The following PTMS variants were observed in gnomAD, a reference collection of about 807,000 sequenced individuals.
The protein encoded by PTMS is parathymosin.
A neutral mutation model predicts 18.4 loss-of-function variants in PTMS; 5 were observed. The ratio of observed to expected loss-of-function variants is 0.27; its 90% CI spans 0.14 to 0.57. The LOEUF (loss-of-function observed/expected upper bound fraction) is 0.57, where lower values mean the gene tolerates loss of function less well. PTMS is among the 20% of genes least tolerant of loss of function. The pLI, the probability that PTMS is intolerant of heterozygous loss-of-function variation, is 0.92. For synonymous variants in PTMS, 53 were observed against 47.7 expected, an observed-to-expected ratio of 1.11 and a Z score of -0.46; for missense variants, 93 against 124.6, an observed-to-expected ratio of 0.75 and a Z score of 1.21.
chr12:6,769,668 G>A lies in PTMS; in HGVS notation c.111G>A (p.Val37=), dbSNP rs986913722. The A allele has an allele frequency of 6.2e-7, 1 of 1,614,062 alleles. No homozygotes were observed. Among genetic ancestry groups the A allele is most frequent in the South Asian group, 1.1e-5 (1 of 91,088 alleles). ...KASRKERKKE[V]VEEEENGAEE... ...GCCGGAAAGAGCGAAAGAAAGAAGT[G>A]GTGGAGGTGTGGAGGGGTGGGGGAG... The change falls in exon 2 of 5, where the codon GTG becomes GTA. Residue 37 remains valine, a synonymous_variant. Transcript: ENST00000309083.
rs1359350519 is a variant in PTMS at position 6,770,011 on chromosome 12, C to A, written c.196+12C>A. On this transcript the variant is annotated intron_variant, in intron 3 of 4. Coordinates refer to ENST00000309083, the MANE Select transcript of PTMS (RefSeq NM_002824.6). This position sits in a 1 kb window ranked among gnomAD's most constrained non-coding sequence, Gnocchi z 7.3. ...AGGGGAAGAAGAAGGTGGGGAGGGG[C>A]AGGGGAGGCTGGGCTGGCAAAGTCT... 1 of 1,558,572 alleles carries A rather than the reference C, an allele frequency of 6.4e-7. No individual in the cohort carries two copies.
At chr12:6,766,936 C>G (rs1941773390) in intron 1 of PTMS, among the ~76,000 whole-genome samples, 186 bp downstream of exon 1, 1 of 151,462 alleles carries the variant, frequency 6.6e-6, no homozygotes, top group Non-Finnish European at 1.5e-5. Flanking sequence ...CTAGCGCCAG[C>G]GCCCTCTAGC....
intron 1 of PTMS, 42 bp from the exon 2 acceptor site, chr12:6,769,561 A>G: frequency 6.2e-7 from 1 of 1,609,296 alleles, no homozygotes; most frequent in Non-Finnish European, 8.5e-7. Flanking sequence ...AGGGGCTGCA[A>G]GCCATTTGTG....
At position 6,766,637 on chromosome 12, in the gene PTMS, G is replaced by A. The variant is rs1941769056; in HGVS notation, c.-69G>A. The A allele has an allele frequency of 3.1e-6, 3 of 981,582 alleles. No individual in the cohort carries two copies. The South Asian group carries it at 9.3e-5, about 31-fold the overall frequency. 60.8% of individuals were successfully genotyped at this position (981,582 alleles called of 1,614,324 possible). On this transcript the variant is annotated 5_prime_UTR_variant, in exon 1 of 5. Coordinates refer to ENST00000309083, the MANE Select transcript of PTMS (RefSeq NM_002824.6). ...GTTCCGGCCGCGGCCACCCTCCGCC[G>A]TCCAGGGCCCCTCCGTCTCGGCCCC...
At position 6,766,537 on chromosome 12, in the gene PTMS, C is replaced by T. The variant is rs564960190; in HGVS notation, c.-169C>T. On this transcript the variant is annotated 5_prime_UTR_variant, in exon 1 of 5. Transcript: ENST00000309083. ...CCCCGCCCCACCCCGCGCGCCTCTG[C>T]CGCCTCTTCCAGAGACCCAGCTTGC... The T allele has an allele frequency of 3.3e-3, 907 of 272,504 alleles. 7 individuals are homozygous for T. Among genetic ancestry groups the T allele is most frequent in the Middle Eastern group, 0.016 (12 of 748 alleles). 16.9% of individuals were successfully genotyped at this position (272,504 alleles called of 1,614,324 possible).
chr12:6,770,504 G>A lies in PTMS; in HGVS notation c.*62G>A. 6.4e-7 allele frequency: 1 copy of A among 1,554,096 alleles called. No homozygotes were observed. The stretch of plus-strand genomic sequence containing the variant: ...GGGCCTGGAGGTGGGGGTGGGGGCA[G>A]CCAAGTCCAGCCACTCTTCACCTGG... On this transcript the variant is annotated 3_prime_UTR_variant, in exon 5 of 5. Coordinates refer to ENST00000309083, the MANE Select transcript of PTMS (RefSeq NM_002824.6). The surrounding 1 kb of genome is among the most constrained non-coding windows in gnomAD (Gnocchi z 7.3).
intron 2 of PTMS, 29 bp downstream of exon 2, chr12:6,769,703 T>C (rs1236288823): frequency 6.2e-7 from 1 of 1,611,890 alleles, no homozygotes; most frequent in African/African-American, 1.3e-5. Context: ...GAGGACCACA[T>C]CTGCCCTACC....
At position 6,769,680 on chromosome 12, in the gene PTMS, G is replaced by C. The variant is rs774838869; in HGVS notation, c.117+6G>C. The C allele has an allele frequency of 4.3e-6, 7 of 1,613,810 alleles. No homozygotes were observed. In the African/African-American group the frequency reaches 9.3e-5, roughly 22 times the overall value. On this transcript the variant is annotated splice_donor_region_variant and intron_variant, in intron 2 of 4. Coordinates refer to ENST00000309083, the MANE Select transcript of PTMS (RefSeq NM_002824.6). The stretch of plus-strand genomic sequence containing the variant: ...GAAAGAAAGAAGTGGTGGAGGTGTG[G>C]AGGGGTGGGGGAGAGGACCACATCT...
Position 6,766,731 on chromosome 12 carries a change from C to T in PTMS, c.26C>T (p.Ala9Val). ...ATGTCGGAGAAAAGCGTGGAGGCAG[C>T]GGCCGAGTTGAGCGCCAAGGTACGG... MSEKSVEA[A>V]AELSAKDLKE... Residue 9 changes from alanine (A) to valine (V), a missense_variant, in exon 1 of 5, where the codon GCG (alanine) becomes GTG (valine). Transcript: ENST00000309083. The T allele has an allele frequency of 2.7e-6, 3 of 1,095,920 alleles. No homozygotes were observed. The highest frequency in any genetic ancestry group is 3.3e-6 in the Non-Finnish European group (3 of 901,830). The allele number at this position is 1,095,920 out of a possible 1,614,324, so 67.9% of individuals were successfully genotyped here.
intron 1 of PTMS, among the ~76,000 whole-genome samples, chr12:6,767,881 C>G (rs1489447479): frequency 6.6e-6 from 1 of 152,232 alleles, no homozygotes; most frequent in Non-Finnish European, 1.5e-5. Flanking sequence ...CATGTTGTCG[C>G]TTTGTGAGTG....
Position 6,766,401 on chromosome 12 carries a change from G to A in PTMS, c.-305G>A, listed in dbSNP as rs907610857. 1 of 160,086 alleles carries A rather than the reference G, an allele frequency of 6.2e-6. No individual in the cohort carries two copies. Among genetic ancestry groups the A allele is most frequent in the Non-Finnish European group, 1.4e-5 (1 of 73,450 alleles). The allele number at this position is 160,086 out of a possible 1,614,324, so 9.9% of individuals were successfully genotyped here. On this transcript the variant is annotated 5_prime_UTR_variant, in exon 1 of 5. Transcript: ENST00000309083. Reference sequence around the variant, plus strand: ...CGGCAGCTCTGCTGGTGCGGGGGCGGCGAGCCCGGGATCGAGCTACCGCGG... The same window carrying A: ...CGGCAGCTCTGCTGGTGCGGGGGCGACGAGCCCGGGATCGAGCTACCGCGG...
intron 1 of PTMS, chr12:6,767,582 G>A (rs1941783914): frequency 7.0e-6 from 1 of 142,860 alleles, no homozygotes; most frequent in Non-Finnish European, 1.5e-5. Context: ...CCTATCTTGT[G>A]TGTGTATGTG....
At position 6,770,402 on chromosome 12, in the gene PTMS, A is replaced by T; in HGVS notation, c.269A>T (p.Asp90Val). The change falls in exon 5 of 5, where the codon GAT becomes GTT. Residue 90 changes from aspartate to valine, a missense_variant. Asp to Val is a radical substitution (Grantham distance 152, BLOSUM62 -3). Transcript: ENST00000309083. The surrounding 1 kb of genome is among the most constrained non-coding windows in gnomAD (Gnocchi z 7.3). ...TCTCCCTCTCCACAGGATGAAGCGGATCCCAAACGGCAGAAGACAGAAAAT... is the reference window on the plus strand; with the variant it reads ...TCTCCCTCTCCACAGGATGAAGCGGTTCCCAAACGGCAGAAGACAGAAAAT... ...KRAAEEEDEA[D>V]PKRQKTENGA... 15 of 1,612,624 alleles carry T rather than the reference A, an allele frequency of 9.3e-6. No homozygotes were observed. Among genetic ancestry groups the T allele is most frequent in the Non-Finnish European group, 1.2e-5 (14 of 1,179,774 alleles).
chr12:6,769,463 C>T, intron 1 of PTMS, 140 bp from the exon 2 acceptor site: 3 of 902,894 alleles, frequency 3.3e-6, no homozygotes, highest in South Asian at 2.7e-5. Context: ...CCCTAGGGCC[C>T]CTATTCTGTC....
Position 6,766,741 on chromosome 12 carries a change from G to A in PTMS, c.36G>A (p.Leu12=), listed in dbSNP as rs1434412033. ...AAAGCGTGGAGGCAGCGGCCGAGTT[G>A]AGCGCCAAGGTACGGGCGGGGGCGG... The part of the protein sequence containing the change: ...SEKSVEAAAE[L]SAKDLKEKKE... The change falls in exon 1 of 5, where the codon TTG becomes TTA. Residue 12 remains leucine, a synonymous_variant. Coordinates refer to ENST00000309083, the MANE Select transcript of PTMS (RefSeq NM_002824.6). 4 of 1,092,916 alleles carry A rather than the reference G, an allele frequency of 3.7e-6. 1 individual carries two copies. The South Asian group carries it at 1.1e-4, about 29-fold the overall frequency. The allele number at this position is 1,092,916 out of a possible 1,614,324, so 67.7% of individuals were successfully genotyped here. A position where few individuals can be genotyped will look rare whatever the true frequency, so the allele number is the denominator to read the frequency against.
Position 6,770,478 on chromosome 12 carries a change from T to C in PTMS, c.*36T>C. On this transcript the variant is annotated 3_prime_UTR_variant, in exon 5 of 5. Coordinates refer to ENST00000309083, the MANE Select transcript of PTMS (RefSeq NM_002824.6). This position sits in a 1 kb window ranked among gnomAD's most constrained non-coding sequence, Gnocchi z 7.3. Reference sequence around the variant, plus strand: ...ACAGGCTGGGGTTGGGAGGCCTCTCTGGGCCTGGAGGTGGGGGTGGGGGCA... The same window carrying C: ...ACAGGCTGGGGTTGGGAGGCCTCTCCGGGCCTGGAGGTGGGGGTGGGGGCA... 1 of 1,391,714 alleles carries C rather than the reference T, an allele frequency of 7.2e-7. No individual in the cohort carries two copies. Among genetic ancestry groups the C allele is most frequent in the Non-Finnish European group, 9.7e-7 (1 of 1,032,898 alleles). The allele number at this position is 1,391,714 out of a possible 1,614,324, so 86.2% of individuals were successfully genotyped here. A position where few individuals can be genotyped will look rare whatever the true frequency, so the allele number is the denominator to read the frequency against.
chr12:6,769,878 C>T (rs372087097), intron 2 of PTMS, 43 bp from the exon 3 acceptor site: 34 of 1,585,692 alleles, frequency 2.1e-5, no homozygotes, highest in African/African-American at 9.5e-5. Context: ...GTGGGCAAGG[C>T]ATGCAGCCAG....
chr12:6,770,337 AG>A lies in PTMS; in HGVS notation c.259-50del. 1 of 1,609,042 alleles carries A rather than the reference AG, an allele frequency of 6.2e-7. No individual in the cohort carries two copies. The highest frequency in any genetic ancestry group is 1.1e-5 in the South Asian group (1 of 90,954). ...GTGGGGGCTGGAACAGGACCGGGAC[AG>A]GGGGAGGTCTCCCCTCCCATTTTAC... On this transcript the variant is annotated intron_variant, in intron 4 of 4. Coordinates refer to ENST00000309083, the MANE Select transcript of PTMS (RefSeq NM_002824.6). This position sits in a 1 kb window ranked among gnomAD's most constrained non-coding sequence, Gnocchi z 7.3.
intron 1 of PTMS, among the ~76,000 whole-genome samples, chr12:6,769,368 G>C (rs1470556831): frequency 1.3e-5 from 2 of 152,096 alleles, no homozygotes; most frequent in Non-Finnish European, 2.9e-5. Flanking sequence ...GCCCGCTCCT[G>C]CTTCTTCATC....
Sources: gnomAD v4.1 joint callset for allele counts (sites outside exome capture counted in the v4.1 genomes callset) on GRCh38, gnomAD v4.1.1 for gene constraint, Gnocchi (gnomAD v3.1) non-coding constraint, MANE v1.5 for transcripts, NCBI Gene and HGNC (gene_info 2026-07-23, HGNC 2026-07-21) for gene names.